CDH12: variants seen among roughly 807,000 people sequenced by gnomAD.
CDH12 encodes the protein cadherin 12.
Under a neutral mutation model 74.1 loss-of-function variants are expected in CDH12, and 41 were observed. That is an observed-to-expected ratio of 0.55 (90% confidence interval 0.43 to 0.72). The LOEUF is 0.72. Among genes scored for constraint, CDH12 ranks in the 30% least tolerant of loss-of-function variants. The probability of loss-of-function intolerance (pLI) is 0.00; values close to 1 mark genes in which losing one functional copy is unlikely to be tolerated. For synonymous variants in CDH12, 399 were observed against 355.0 expected (o/e 1.12, Z -1.39); for missense variants, 945 against 977.2 (o/e 0.97, Z 0.44).
intron 3 of CDH12, among the ~76,000 whole-genome samples, chr5:22,348,557 A>G (rs1048013730): frequency 6.6e-6 from 1 of 152,226 alleles, no homozygotes; most frequent in South Asian, 2.1e-4. Flanking sequence ...GTACATATAC[A>G]TGGACACACA....
intron 3 of CDH12, among the ~76,000 whole-genome samples, chr5:22,235,442 C>T (rs1363566881): frequency 2.0e-5 from 3 of 151,824 alleles, no homozygotes; most frequent in Admixed American, 6.6e-5. Flanking sequence ...ATTAGGCAGG[C>T]GTGGTGTGGG....
intron 2 of CDH12, among the ~76,000 whole-genome samples, chr5:22,483,246 T>G (rs1746451022): frequency 6.6e-6 from 1 of 152,134 alleles, no homozygotes; most frequent in African/African-American, 2.4e-5. Context: ...AACAAAAAAT[T>G]TTAAGACACT....
Position 22,229,860 on chromosome 5 carries a change from T to TACAC in CDH12, c.-332-17221_-332-17218dup, listed in dbSNP as rs150657280. On this transcript the variant is annotated intron_variant, in intron 3 of 14. Coordinates refer to ENST00000382254, the MANE Select transcript of CDH12 (RefSeq NM_004061.5). ...AGAGTAGGTGACCTTTTCTAATTGA[T>TACAC]ACACACACACACACACACACAGGGT... Among the ~76,000 whole-genome samples the TACAC allele has an allele frequency of 8.1e-4, 121 of 148,730 alleles. 2 individuals are homozygous for TACAC. The highest frequency in any genetic ancestry group is 2.4e-3 in the African/African-American group (99 of 40,702).
At chr5:22,849,444 T>C (rs1473002436) in intron 1 of CDH12, among the ~76,000 whole-genome samples, 3 of 152,108 alleles carry the variant, frequency 2.0e-5, no homozygotes, top group African/African-American at 4.8e-5. Context: ...GTACTAAAGG[T>C]ATATTCAACC....
intron 3 of CDH12, among the ~76,000 whole-genome samples, chr5:22,401,432 A>G (rs1742726909): frequency 1.3e-5 from 2 of 152,134 alleles, no homozygotes; most frequent in Non-Finnish European, 2.9e-5. Context: ...TATACCATGT[A>G]TTTTGTTACT....
chr5:21,846,028 T>TC (rs1184188153), intron 7 of CDH12, among the ~76,000 whole-genome samples: 2 of 152,096 alleles, frequency 1.3e-5, no homozygotes, highest in Non-Finnish European at 2.9e-5. Context: ...GGCTCTGTCT[T>TC]CCCTTTTCTT....
chr5:22,264,008 A>T (rs879433752), intron 3 of CDH12, among the ~76,000 whole-genome samples: 2 of 151,962 alleles, frequency 1.3e-5, no homozygotes, highest in Non-Finnish European at 2.9e-5. Flanking sequence ...CATTAGAAAA[A>T]AATGGCTATT....
intron 1 of CDH12, among the ~76,000 whole-genome samples, chr5:22,621,065 AAG>A (rs1443620516): frequency 6.6e-6 from 1 of 152,200 alleles, no homozygotes; most frequent in African/African-American, 2.4e-5. Flanking sequence ...TAGAGGTTCT[AAG>A]AGAACATCTT....
intron 3 of CDH12, among the ~76,000 whole-genome samples, chr5:22,327,469 T>C (rs2968388): frequency 0.033 from 4,920 of 149,082 alleles, 266 homozygotes; most frequent in African/African-American, 0.11. Flanking sequence ...TGTGTGTGTG[T>C]GCATCTGTGT....
intron 2 of CDH12, among the ~76,000 whole-genome samples, chr5:22,478,435 AAAG>A (rs1746260629): frequency 6.6e-6 from 1 of 151,178 alleles, no homozygotes; most frequent in Admixed American, 6.6e-5. Context: ...AAAAAAAAAA[AAAG>A]AAAGAAATAA....
intron 5 of CDH12, among the ~76,000 whole-genome samples, chr5:22,018,685 C>T (rs1737765778): frequency 1.3e-5 from 2 of 152,184 alleles, no homozygotes; most frequent in African/African-American, 2.4e-5. Flanking sequence ...CAACAGATAG[C>T]ACTTTCTAGT....
chr5:22,412,748 C>T (rs1011926545), intron 2 of CDH12, among the ~76,000 whole-genome samples: 1 of 151,892 alleles, frequency 6.6e-6, no homozygotes. Context: ...AAACAAGCAT[C>T]CATGTTTCAA....
At chr5:21,794,550 A>C (rs1231549688) in intron 10 of CDH12, among the ~76,000 whole-genome samples, 1 of 151,450 alleles carries the variant, frequency 6.6e-6, no homozygotes, top group African/African-American at 2.4e-5. Flanking sequence ...TTTGTTTCTG[A>C]GTTTCTTTGA....
At chr5:22,275,979 T>G (rs1249310471) in intron 3 of CDH12, among the ~76,000 whole-genome samples, 1 of 152,192 alleles carries the variant, frequency 6.6e-6, no homozygotes, top group Non-Finnish European at 1.5e-5. Flanking sequence ...TAAAGGGTTT[T>G]TTTTTCAGAT....
At chr5:21,927,467 T>C (rs961820085) in intron 6 of CDH12, among the ~76,000 whole-genome samples, 2 of 151,522 alleles carry the variant, frequency 1.3e-5, no homozygotes, top group Non-Finnish European at 2.9e-5. Context: ...GGCGTGTGAC[T>C]GTAGTCCCAG....
intron 1 of CDH12, among the ~76,000 whole-genome samples, chr5:22,694,913 G>T (rs555611963): frequency 6.6e-6 from 1 of 152,064 alleles, no homozygotes; most frequent in Admixed American, 6.5e-5. Context: ...ATGGTGATTT[G>T]CTAGACCTAT....
intron 1 of CDH12, among the ~76,000 whole-genome samples, chr5:22,740,388 C>T (rs149587620): frequency 6.3e-4 from 95 of 151,634 alleles, no homozygotes; most frequent in African/African-American, 2.2e-3. Flanking sequence ...TGTATTTATG[C>T]TAAACATATC....
At chr5:22,383,335 T>C (rs1483266613) in intron 3 of CDH12, among the ~76,000 whole-genome samples, 4 of 152,308 alleles carry the variant, frequency 2.6e-5, no homozygotes, top group East Asian at 3.9e-4. Flanking sequence ...ATGGGCTACA[T>C]AGAATAAGAT....
At chr5:22,790,929 A>G (rs1747875169) in intron 1 of CDH12, among the ~76,000 whole-genome samples, 1 of 152,190 alleles carries the variant, frequency 6.6e-6, no homozygotes. Flanking sequence ...TATGGCAACC[A>G]TAATGGACTA....
Sources: gnomAD v4.1 joint callset for allele counts (sites outside exome capture counted in the v4.1 genomes callset) on GRCh38, gnomAD v4.1.1 for gene constraint, MANE v1.5 for transcripts, NCBI Gene and HGNC (gene_info 2026-07-23, HGNC 2026-07-21) for gene names.